Variants in GSDME observed in about 807,000 individuals in gnomAD.
GSDME encodes the protein gasdermin-E.
A neutral mutation model predicts 47.5 loss-of-function variants in GSDME; 44 were observed. The ratio of observed to expected loss-of-function variants is 0.93; its 90% confidence interval spans 0.73 to 1.19. The LOEUF is 1.19. Ranked by LOEUF, GSDME falls within the 50% of genes most tolerant of loss-of-function variation. The pLI is 0.00. For synonymous variants in GSDME, 258 were observed against 252.8 expected, an observed-to-expected ratio of 1.02 and a Z score of -0.20; for missense variants, 663 against 604.2, an observed-to-expected ratio of 1.10 and a Z score of -1.02.
chr7:24,762,578 G>A (rs1312172512), upstream of GSDME, among the ~76,000 whole-genome samples: 1 of 152,078 alleles, frequency 6.6e-6, no homozygotes, highest in African/African-American at 2.4e-5. Context: ...GACCTACTAG[G>A]TGCTGGGTGC....
rs1301400721 is a variant in GSDME at position 24,725,330 on chromosome 7, G to T, written c.405-6112C>A. On this transcript the variant is annotated intron_variant, in intron 3 of 9. Coordinates refer to ENST00000645220, the MANE Select transcript of GSDME (RefSeq NM_001127453.2). This position sits in a 1 kb window ranked among gnomAD's most constrained non-coding sequence, Gnocchi z 5.1. Reference sequence around the variant, plus strand: ...AAATGTTTTTTTCCTTCCACTATTGGCAGGGAAGGCAAGTCAAGACCCCTT... The same window carrying T: ...AAATGTTTTTTTCCTTCCACTATTGTCAGGGAAGGCAAGTCAAGACCCCTT... 6.6e-6 allele frequency among the ~76,000 whole-genome samples: 1 copy of T among 152,092 alleles called. No individual in the cohort carries two copies. Among genetic ancestry groups the T allele is most frequent in the Non-Finnish European group, 1.5e-5 (1 of 68,024 alleles).
chr7:24,713,986 T>TCA (rs1789451668), intron 5 of GSDME, among the ~76,000 whole-genome samples: 1 of 151,942 alleles, frequency 6.6e-6, no homozygotes, highest in Admixed American at 6.6e-5. Context: ...AGCAGGGAGA[T>TCA]GGTGTTAGGG....
chr7:24,795,509 T>C, the GSDME span, among the ~76,000 whole-genome samples: 298 of 152,262 alleles, frequency 2.0e-3, 3 homozygotes, highest in African/African-American at 7.0e-3. Context: ...GAGAGGGTTG[T>C]GACCCATTGA....
chr7:24,729,294 G>A (rs1268953654), intron 3 of GSDME, among the ~76,000 whole-genome samples: 1 of 152,246 alleles, frequency 6.6e-6, no homozygotes, highest in Non-Finnish European at 1.5e-5. Context: ...AGTGAACTTG[G>A]TTTTAAATCC....
intron 5 of GSDME, 146 bp from the exon 6 acceptor site, chr7:24,710,534 C>G (rs1032065649): frequency 2.7e-6 from 2 of 751,872 alleles, no homozygotes; most frequent in Non-Finnish European, 4.5e-6. Context: ...CCATAAAATT[C>G]GATCCCTACA....
chr7:24,699,143 A>C lies in GSDME; in HGVS notation c.1374T>G (p.Ser458Arg), dbSNP rs760553722. 7 of 1,614,034 alleles carry C rather than the reference A, an allele frequency of 4.3e-6. No homozygotes were observed. Among genetic ancestry groups the C allele is most frequent in the Non-Finnish European group, 5.9e-6 (7 of 1,180,026 alleles). Residue 458 changes from serine to arginine, a missense_variant, in exon 10 of 10, where the codon AGT becomes AGG. Ser to Arg is a moderately radical substitution (Grantham distance 110). Transcript: ENST00000645220. ...VQRLFASADI[S>R]LERLKSSVKA... is the part of the protein sequence containing the mutation. ...TCACAGATGACTTCAGTCTCTCCAG[A>C]CTAATGTCAGCTGAGGCAAACAAGC...
At chr7:24,723,529 G>A (rs1789866442) in intron 3 of GSDME, among the ~76,000 whole-genome samples, 1 of 152,186 alleles carries the variant, frequency 6.6e-6, no homozygotes, top group Non-Finnish European at 1.5e-5. Context: ...AGCATTTAAA[G>A]AGGCCCATGG....
chr7:24,747,504 T>A (rs191546849), intron 2 of GSDME, among the ~76,000 whole-genome samples: 2 of 152,332 alleles, frequency 1.3e-5, no homozygotes, highest in Admixed American at 1.3e-4. Flanking sequence ...TTTTCATATA[T>A]CACCACATTC....
chr7:24,786,144 C>T, the GSDME span, among the ~76,000 whole-genome samples: 2 of 152,156 alleles, frequency 1.3e-5, no homozygotes, highest in Non-Finnish European at 2.9e-5. This position sits in a 1 kb window ranked among gnomAD's most constrained non-coding sequence, Gnocchi z 5.5. Flanking sequence ...TGTCCATCTG[C>T]TGTTGGGGCA....
chr7:24,731,856 G>C (rs1190644934), intron 3 of GSDME, among the ~76,000 whole-genome samples: 1 of 152,218 alleles, frequency 6.6e-6, no homozygotes, highest in Non-Finnish European at 1.5e-5. Context: ...TGGCATAGTA[G>C]CATTTATTAT....
At chr7:24,765,874 G>T in the GSDME span, among the ~76,000 whole-genome samples, 1 of 152,040 alleles carries the variant, frequency 6.6e-6, no homozygotes, top group Non-Finnish European at 1.5e-5. Context: ...CTATTTTACA[G>T]ATGGCAAAAA....
intron 7 of GSDME, chr7:24,707,155 G>A: frequency 2.7e-6 from 1 of 367,888 alleles, no homozygotes; most frequent in Non-Finnish European, 5.4e-6. Flanking sequence ...GGCTCTTTCG[G>A]CACAATCTAA....
upstream of GSDME, among the ~76,000 whole-genome samples, chr7:24,759,799 T>C (rs1791138153): frequency 6.6e-6 from 1 of 152,190 alleles, no homozygotes; most frequent in Non-Finnish European, 1.5e-5. Context: ...GTTCAAGATC[T>C]CACCTGACCC....
the GSDME span, among the ~76,000 whole-genome samples, chr7:24,785,427 A>G: frequency 6.6e-6 from 1 of 152,158 alleles, no homozygotes; most frequent in African/African-American, 2.4e-5. Context: ...GGGTTTCAAT[A>G]TTTATTTAGT....
chr7:24,707,600 A>G (rs906467136), intron 7 of GSDME: 14 of 356,156 alleles, frequency 3.9e-5, no homozygotes, highest in African/African-American at 3.0e-4. Flanking sequence ...AATTAAAGTA[A>G]GGAAATCAAA....
chr7:24,769,781 T>C, the GSDME span, among the ~76,000 whole-genome samples: 2 of 152,102 alleles, frequency 1.3e-5, no homozygotes, highest in African/African-American at 4.8e-5. Flanking sequence ...GCATGCAATC[T>C]GAAAAGACAA....
rs1789465673 is a variant in GSDME, at chr7:24,714,373, A to G, written c.697+2881T>C. On this transcript the variant is annotated intron_variant, in intron 5 of 9. Coordinates refer to ENST00000645220, the MANE Select transcript of GSDME (RefSeq NM_001127453.2). This position sits in a 1 kb window ranked among gnomAD's most constrained non-coding sequence, Gnocchi z 5.0. ...GGGCCCTTCCAACCACTGCAGGTTT[A>G]TGTCTATGAAGCTATACCAGAACAT... Among the ~76,000 whole-genome samples, 1 of 152,160 alleles carries G rather than the reference A, an allele frequency of 6.6e-6. No individual in the cohort carries two copies. Among genetic ancestry groups the G allele is most frequent in the Non-Finnish European group, 1.5e-5 (1 of 68,034 alleles).
chr7:24,781,800 G>C, the GSDME span, among the ~76,000 whole-genome samples: 4 of 152,164 alleles, frequency 2.6e-5, no homozygotes, highest in Admixed American at 2.6e-4. Flanking sequence ...CTGAAGTTCA[G>C]TGGCTTGATC....
intron 3 of GSDME, among the ~76,000 whole-genome samples, chr7:24,720,845 T>G (rs1789752359): frequency 6.6e-6 from 1 of 151,434 alleles, no homozygotes; most frequent in African/African-American, 2.4e-5. Flanking sequence ...AGGCGGAGGT[T>G]GCGGTGAGCT....
Sources: allele counts gnomAD v4.1 joint callset (sites outside exome capture counted in the v4.1 genomes callset), GRCh38; gene constraint gnomAD v4.1.1; non-coding constraint Gnocchi (gnomAD v3.1); transcripts MANE v1.5; gene names NCBI Gene and HGNC (gene_info 2026-07-23, HGNC 2026-07-21).